Variants in ZNF385D observed in about 807,000 individuals in gnomAD.
ZNF385D encodes zinc finger protein 385D, also known as zinc finger protein 659.
A neutral mutation model predicts 35.8 loss-of-function variants in ZNF385D; 15 were observed. The ratio of observed to expected loss-of-function variants is 0.42; its 90% CI spans 0.28 to 0.64. The LOEUF (loss-of-function observed/expected upper bound fraction) is 0.64. Ranked by LOEUF, ZNF385D falls within the 30% of genes least tolerant of loss-of-function variation. ZNF385D has a pLI of 0.23. For missense variants in ZNF385D, 474 were observed against 494.6 expected, an observed-to-expected ratio of 0.96 and a Z score of 0.39; for synonymous variants, 212 against 186.8, an observed-to-expected ratio of 1.13 and a Z score of -1.10.
At chr3:22,202,640 G>C (rs1553628238) in intron 2 of ZNF385D, among the ~76,000 whole-genome samples, 1 of 152,088 alleles carries the variant, frequency 6.6e-6, no homozygotes, top group Admixed American at 6.6e-5. Flanking sequence ...CTTTGAAAGA[G>C]GAACTGAAGA....
At chr3:21,845,076 T>G (rs939077951) in intron 3 of ZNF385D, among the ~76,000 whole-genome samples, 24 of 151,942 alleles carry the variant, frequency 1.6e-4, no homozygotes, top group Admixed American at 1.4e-3. Flanking sequence ...TAAAGTTGCT[T>G]TGCGACATTT....
At chr3:22,123,941 T>TCTCTCA (rs1223536575) in intron 3 of ZNF385D, among the ~76,000 whole-genome samples, 1 of 98,002 alleles carries the variant, frequency 1.0e-5, no homozygotes, top group African/African-American at 3.8e-5. Context: ...TCTCTCTCTC[T>TCTCTCA]CTCTCTCTCT....
intron 3 of ZNF385D, among the ~76,000 whole-genome samples, chr3:22,110,460 A>T (rs1169018544): frequency 6.6e-6 from 1 of 152,156 alleles, no homozygotes; most frequent in African/African-American, 2.4e-5. Flanking sequence ...ATGCAGCCAT[A>T]AAAAATGATG....
intron 3 of ZNF385D, among the ~76,000 whole-genome samples, chr3:21,916,260 G>C (rs1437114690): frequency 6.6e-6 from 1 of 152,040 alleles, no homozygotes; most frequent in Non-Finnish European, 1.5e-5. Flanking sequence ...TTTCTAGATA[G>C]ATTTTGTCAA....
rs115548725 is a variant in ZNF385D at position 22,218,468 on chromosome 3, T to C, written c.107-49433A>G. Among the ~76,000 whole-genome samples, 1,502 of 152,154 alleles carry C rather than the reference T, an allele frequency of 9.9e-3. 18 individuals carry two copies. The highest frequency in any genetic ancestry group is 0.034 in the African/African-American group (1,405 of 41,546). On this transcript the variant is annotated intron_variant, in intron 2 of 5. Transcript: ENST00000494108. ...TTATATATAAATATATGTATATATA[T>C]GTGTGTATATGTGTATCTATGTACA...
chr3:21,784,051 A>G (rs1053632536), intron 3 of ZNF385D, among the ~76,000 whole-genome samples: 2 of 152,124 alleles, frequency 1.3e-5, no homozygotes, highest in African/African-American at 4.8e-5. Context: ...CTAATTCAGC[A>G]GGCAGTCAGG....
chr3:21,530,855 T>G (rs1019128419), intron 3 of ZNF385D, among the ~76,000 whole-genome samples: 1 of 152,044 alleles, frequency 6.6e-6, no homozygotes, highest in African/African-American at 2.4e-5. Context: ...ACCAAGAGAA[T>G]AGCAGAAAAA....
chr3:22,153,072 T>C (rs1432789838), intron 3 of ZNF385D, among the ~76,000 whole-genome samples: 2 of 152,186 alleles, frequency 1.3e-5, no homozygotes, highest in Non-Finnish European at 2.9e-5. Context: ...TGGTTAAAAC[T>C]GACCAATGTA....
chr3:22,274,631 G>A (rs890587608), intron 2 of ZNF385D, among the ~76,000 whole-genome samples: 1 of 150,464 alleles, frequency 6.6e-6, no homozygotes, highest in African/African-American at 2.5e-5. Context: ...CACTGAAGAT[G>A]AAAATAATAT....
chr3:22,113,202 A>C (rs550471215), intron 3 of ZNF385D, among the ~76,000 whole-genome samples: 1 of 152,200 alleles, frequency 6.6e-6, no homozygotes, highest in East Asian at 1.9e-4. Flanking sequence ...TTGCAGTTCA[A>C]GTGCTGCTAT....
chr3:21,756,919 G>C (rs189947537), intron 3 of ZNF385D, among the ~76,000 whole-genome samples: 7 of 152,180 alleles, frequency 4.6e-5, no homozygotes, highest in Non-Finnish European at 1.0e-4. Flanking sequence ...TGTAGACACT[G>C]CTATAAACTC....
In ZNF385D at chr3:21,493,199, A is replaced by G. The variant is rs187101561; in HGVS notation, c.439+17662T>C. Among the ~76,000 whole-genome samples, 1,250 of 152,250 alleles carry G rather than the reference A, an allele frequency of 8.2e-3. 8 individuals carry two copies. Among genetic ancestry groups the G allele is most frequent in the Non-Finnish European group, 0.013 (900 of 68,004 alleles). ...CAATAACTGAAAATAACAAGAAGGC[A>G]GATGCTAAGTCACCAACATATTTTT... On this transcript the variant is annotated intron_variant, in intron 4 of 7. Transcript: ENST00000281523.
chr3:22,005,126 T>C (rs1576133142), intron 3 of ZNF385D, among the ~76,000 whole-genome samples: 1 of 76,728 alleles, frequency 1.3e-5, no homozygotes, highest in Admixed American at 1.3e-4. Context: ...GGGCAAAGAA[T>C]ATGAATAGAC....
chr3:21,874,626 A>G (rs561129955), intron 3 of ZNF385D, among the ~76,000 whole-genome samples: 4 of 152,244 alleles, frequency 2.6e-5, no homozygotes, highest in African/African-American at 9.6e-5. Flanking sequence ...ATGTTTCAAA[A>G]TCAGGAAATG....
chr3:21,794,632 TG>T (rs142247700), intron 3 of ZNF385D, among the ~76,000 whole-genome samples: 3 of 152,104 alleles, frequency 2.0e-5, no homozygotes, highest in East Asian at 1.9e-4. Context: ...TAGCTAACTT[TG>T]GGGGTCTCTT....
In ZNF385D at chr3:21,564,666, C is replaced by T; in HGVS notation, c.184G>A (p.Ala62Thr). The T allele has an allele frequency of 6.4e-7, 1 of 1,569,032 alleles. No individual in the cohort carries two copies. Residue 62 changes from alanine (A) to threonine (T), a missense_variant, in exon 3 of 8, where the codon GCT becomes ACT. Ala to Thr is a moderately conservative substitution (Grantham distance 58, BLOSUM62 0). Coordinates refer to ENST00000281523, the MANE Select transcript of ZNF385D (RefSeq NM_024697.3). ...ACCCCGAATGTATGGTTTATTACAG[C>T]TTTCTGAATCGGGTCCATCTGTAAT... ...NFNAMDPIQK[A>T]VINHTFGVPL...
upstream of ZNF385D, among the ~76,000 whole-genome samples, chr3:21,755,222 G>T (rs947885634): frequency 2.0e-5 from 3 of 152,092 alleles, no homozygotes; most frequent in Non-Finnish European, 4.4e-5. Context: ...CAATAAAATT[G>T]TATCCAGTGT....
At chr3:22,215,398 C>T (rs150744734) in intron 2 of ZNF385D, among the ~76,000 whole-genome samples, 5,193 of 152,034 alleles carry the variant, frequency 0.034, 142 homozygotes, top group Non-Finnish European at 0.052. Context: ...CAAGGAACAT[C>T]CCTGAGAAAG....
rs1706814993 is a variant in ZNF385D at position 21,506,996 on chromosome 3, AAAGTTAGTG to A, written c.439+3856_439+3864del. Among the ~76,000 whole-genome samples the A allele has an allele frequency of 2.6e-5, 4 of 152,246 alleles. No homozygotes were observed. The East Asian group carries it at 7.7e-4, about 29-fold the overall frequency. Reference sequence around the variant, plus strand: ...AGGCAACACAAAAACCCAAGATCATAAAGTTAGTGAATAGGAGCTAACCCCATGGTTTAG... The same window carrying A: ...AGGCAACACAAAAACCCAAGATCATAAATAGGAGCTAACCCCATGGTTTAG... On this transcript the variant is annotated intron_variant, in intron 4 of 7. Coordinates refer to ENST00000281523, the MANE Select transcript of ZNF385D (RefSeq NM_024697.3).
Sources: gnomAD v4.1 joint callset for allele counts (sites outside exome capture counted in the v4.1 genomes callset) on GRCh38, gnomAD v4.1.1 for gene constraint, MANE v1.5 for transcripts, NCBI Gene and HGNC (gene_info 2026-07-23, HGNC 2026-07-21) for gene names.